The following ETFRF1 variants were observed in gnomAD, a reference collection of about 807,000 sequenced individuals.
ETFRF1 encodes the protein LYR motif containing 5.
ETFRF1 carries 12 observed loss-of-function variants against 9.0 expected under a neutral mutation model. That is an observed-to-expected ratio of 1.34 (90% CI 0.86 to 2.16). The LOEUF (loss-of-function observed/expected upper bound fraction) is 2.16, where lower values mean the gene tolerates loss of function less well. ETFRF1 is among the 30% of genes most tolerant of loss of function. The pLI, the probability that ETFRF1 is intolerant of heterozygous loss-of-function variation, is 0.00. For synonymous variants in ETFRF1, 34 were observed against 33.2 expected (o/e 1.02, Z -0.08); for missense variants, 98 against 101.8 (o/e 0.96, Z 0.16).
Position 25,204,147 on chromosome 12 carries a change from G to A in ETFRF1, c.108G>A (p.Leu36=), listed in dbSNP as rs1389439893. The A allele has an allele frequency of 6.2e-7, 1 of 1,611,468 alleles. No individual in the cohort carries two copies. Among genetic ancestry groups the A allele is most frequent in the Non-Finnish European group, 8.5e-7 (1 of 1,178,610 alleles). Residue 36 remains leucine, a synonymous_variant, in exon 3 of 3, where the codon TTG becomes TTA. Coordinates refer to ENST00000381356, the MANE Select transcript of ETFRF1 (RefSeq NM_001001660.3). ...PKGADYFKKR[L]KNIFLKNKDV... The stretch of plus-strand genomic sequence containing the variant: ...GAGCAGACTATTTTAAAAAGCGTTT[G>A]AAGAACATTTTCCTTAAAAACAAAG...
At chr12:25,198,746 A>AT (rs1267857998) in intron 1 of ETFRF1, among the ~76,000 whole-genome samples, 7 of 152,244 alleles carry the variant, frequency 4.6e-5, no homozygotes, top group Middle Eastern at 3.4e-3. Context: ...ATGTAGAAGT[A>AT]TTTTTTTCCC....
chr12:25,204,216 C>A lies in ETFRF1; in HGVS notation c.177C>A (p.Gly59=). ...PEKIKELIAQ[G]EFVMKELEAL... ...AGATCAAAGAACTTATTGCACAGGG[C>A]GAATTTGTAATGAAAGAGCTAGAAG... The change falls in exon 3 of 3, where the codon GGC becomes GGA. Residue 59 remains glycine (G), a synonymous_variant. Coordinates refer to ENST00000381356, the MANE Select transcript of ETFRF1 (RefSeq NM_001001660.3). The A allele has an allele frequency of 1.2e-6, 2 of 1,612,346 alleles. No homozygotes were observed. The highest frequency in any genetic ancestry group is 8.5e-7 in the Non-Finnish European group (1 of 1,179,368).
intron 1 of ETFRF1, among the ~76,000 whole-genome samples, chr12:25,201,085 C>A (rs932087499): frequency 1.3e-5 from 2 of 152,216 alleles, no homozygotes; most frequent in Non-Finnish European, 2.9e-5. Flanking sequence ...ACTGGACCAA[C>A]TGAGGACACT....
chr12:25,198,034 C>T (rs1259224083), intron 1 of ETFRF1, among the ~76,000 whole-genome samples: 1 of 152,170 alleles, frequency 6.6e-6, no homozygotes, highest in Admixed American at 6.5e-5. Context: ...AAACCCAATT[C>T]ACTCTGCAGA....
At chr12:25,197,109 G>A (rs117071417) in intron 1 of ETFRF1, among the ~76,000 whole-genome samples, 9,340 of 150,858 alleles carry the variant, frequency 0.062, 385 homozygotes, top group Non-Finnish European at 0.093. Flanking sequence ...AGCCAAGATC[G>A]CACCACTACA....
chr12:25,203,716 C>T (rs1951096730), intron 1 of ETFRF1: 1 of 352,942 alleles, frequency 2.8e-6, no homozygotes, highest in African/African-American at 2.1e-5. Flanking sequence ...TTGCTTATGT[C>T]TCCCATAGGA....
chr12:25,195,270 C>G lies in ETFRF1; in HGVS notation c.-105C>G. 1.5e-6 allele frequency: 1 copy of G among 655,038 alleles called. No homozygotes were observed. The highest frequency in any genetic ancestry group is 1.7e-5 in the South Asian group (1 of 57,686). 40.6% of individuals were successfully genotyped at this position (655,038 alleles called of 1,614,324 possible). ...GTTGCCCACCTCCCCCAACGCCACC[C>G]CGCTTCGCAGTAGACGGACAGAGGA... On this transcript the variant is annotated 5_prime_UTR_variant, in exon 1 of 3. Transcript: ENST00000381356.
At position 25,205,129 on chromosome 12, in the gene ETFRF1, T is replaced by C; in HGVS notation, c.*817T>C. On this transcript the variant is annotated 3_prime_UTR_variant, in exon 3 of 3. Coordinates refer to ENST00000381356, the MANE Select transcript of ETFRF1 (RefSeq NM_001001660.3). ...AGCACCTTTTAGAAATAAAGGATAC[T>C]TCTAACAAGCTGCATAAAAGATTCA... 4.6e-6 allele frequency: 1 copy of C among 217,242 alleles called. No individual in the cohort carries two copies. Among genetic ancestry groups the C allele is most frequent in the East Asian group, 6.8e-5 (1 of 14,616 alleles). The allele number at this position is 217,242 out of a possible 1,614,324, so 13.5% of individuals were successfully genotyped here. A position where few individuals can be genotyped will look rare whatever the true frequency, so the allele number is the denominator to read the frequency against.
chr12:25,195,563 G>C, intron 1 of ETFRF1: 1 of 214,230 alleles, frequency 4.7e-6, no homozygotes, highest in South Asian at 6.7e-5. Flanking sequence ...TGGGAGGCCT[G>C]GGCCTCTGCG....
At chr12:25,203,319 G>A (rs973822587) in intron 1 of ETFRF1, among the ~76,000 whole-genome samples, 3 of 152,114 alleles carry the variant, frequency 2.0e-5, no homozygotes, top group African/African-American at 7.2e-5. Context: ...TGTTCCTCAG[G>A]GACACCCTCT....
chr12:25,199,258 T>C (rs971216893), intron 1 of ETFRF1, among the ~76,000 whole-genome samples: 5 of 149,242 alleles, frequency 3.4e-5, no homozygotes, highest in Admixed American at 6.7e-5. Context: ...GGAATTACTA[T>C]GTACTATATA....
At position 25,204,705 on chromosome 12, in the gene ETFRF1, A is replaced by ACTT. The variant is rs1345190988; in HGVS notation, c.*394_*396dup. ...ATTTCTTACACACTTACTTCTCTTA[A>ACTT]CTTTTGAAAGGAATCCCTTATTTTT... On this transcript the variant is annotated 3_prime_UTR_variant, in exon 3 of 3. Coordinates refer to ENST00000381356, the MANE Select transcript of ETFRF1 (RefSeq NM_001001660.3). 8 of 184,834 alleles carry ACTT rather than the reference A, an allele frequency of 4.3e-5. No homozygotes were observed. The highest frequency in any genetic ancestry group is 8.0e-5 in the Non-Finnish European group (7 of 87,490). The allele number at this position is 184,834 out of a possible 1,614,324, so 11.4% of individuals were successfully genotyped here. A position where few individuals can be genotyped will look rare whatever the true frequency, so the allele number is the denominator to read the frequency against.
At position 25,204,219 on chromosome 12, in the gene ETFRF1, A is replaced by AT. The variant is rs761344800; in HGVS notation, c.183dup (p.Val62CysfsTer12). 38 of 1,612,352 alleles carry AT rather than the reference A, an allele frequency of 2.4e-5. No homozygotes were observed. The highest frequency in any genetic ancestry group is 4.0e-5 in the African/African-American group (3 of 74,822). ...TCAAAGAACTTATTGCACAGGGCGAATTTGTAATGAAAGAGCTAGAAGCTT... is the reference window on the plus strand; with the variant it reads ...TCAAAGAACTTATTGCACAGGGCGAATTTTGTAATGAAAGAGCTAGAAGCTT... On this transcript the variant is annotated frameshift_variant, in exon 3 of 3. Coordinates refer to ENST00000381356, the MANE Select transcript of ETFRF1 (RefSeq NM_001001660.3).
At chr12:25,196,043 A>T (rs1157595803) in intron 1 of ETFRF1, 1 of 152,210 alleles carries the variant, frequency 6.6e-6, no homozygotes, top group Admixed American at 6.5e-5. Flanking sequence ...ACCATTTCTC[A>T]TCTCTGAATT....
At position 25,203,976 on chromosome 12, in the gene ETFRF1, T is replaced by C; in HGVS notation, c.20T>C (p.Leu7Ser). The C allele has an allele frequency of 2.7e-6, 4 of 1,484,858 alleles. No individual in the cohort carries two copies. The highest frequency in any genetic ancestry group is 2.7e-6 in the Non-Finnish European group (3 of 1,117,444). The allele number at this position is 1,484,858 out of a possible 1,614,324, so 92.0% of individuals were successfully genotyped here. MKMANSLRGEVLKLYKN... is the reference protein window; with the variant it reads MKMANSSRGEVLKLYKN... ...TGATAAATGAAAATGGCCAATTCTT[T>C]AAGAGGAGAAGTACTAAAACTTTAT... Residue 7 changes from leucine (L) to serine (S), a missense_variant, in exon 2 of 3, where the codon TTA becomes TCA. By Grantham distance (145) the Leu-to-Ser change is moderately radical (BLOSUM62 -2). Transcript: ENST00000381356.
In ETFRF1 at chr12:25,200,805, T is replaced by C. The variant is rs549549253; in HGVS notation, c.-37-3115T>C. Among the ~76,000 whole-genome samples, 3 of 152,272 alleles carry C rather than the reference T, an allele frequency of 2.0e-5. No individual in the cohort carries two copies. In the South Asian group the frequency reaches 6.2e-4, roughly 32 times the overall value. ...AATGTAGAAAATGGGATAATCAACATAGAGGATAGGCAAGAGGAATTTCTG... is the reference window on the plus strand; with the variant it reads ...AATGTAGAAAATGGGATAATCAACACAGAGGATAGGCAAGAGGAATTTCTG... On this transcript the variant is annotated intron_variant, in intron 1 of 2. Transcript: ENST00000381356.
At chr12:25,197,021 T>G (rs1951032473) in intron 1 of ETFRF1, among the ~76,000 whole-genome samples, 1 of 151,994 alleles carries the variant, frequency 6.6e-6, no homozygotes, top group Admixed American at 6.6e-5. Context: ...CCGGGCGTGG[T>G]GATCAGCACC....
At chr12:25,202,948 A>C (rs1951087923) in intron 1 of ETFRF1, among the ~76,000 whole-genome samples, 1 of 152,236 alleles carries the variant, frequency 6.6e-6, no homozygotes, top group Admixed American at 6.5e-5. Context: ...ACCTGGGAAC[A>C]GTGACAGTCC....
chr12:25,203,523 C>G (rs1555191520), intron 1 of ETFRF1, among the ~76,000 whole-genome samples: 1 of 152,182 alleles, frequency 6.6e-6, no homozygotes, highest in Non-Finnish European at 1.5e-5. Context: ...AAGATAATCT[C>G]TTGTTTGTTG....
Sources: allele counts gnomAD v4.1 joint callset (sites outside exome capture counted in the v4.1 genomes callset), GRCh38; gene constraint gnomAD v4.1.1; transcripts MANE v1.5; gene names NCBI Gene and HGNC (gene_info 2026-07-23, HGNC 2026-07-21).